The following TIAM1 variants were observed in gnomAD, a reference collection of about 807,000 sequenced individuals.
The protein encoded by TIAM1 is rho guanine nucleotide exchange factor TIAM1.
Under a neutral mutation model 163.5 loss-of-function variants are expected in TIAM1, and 65 were observed. The observed-to-expected ratio is 0.40, with a 90% CI of 0.33 to 0.49. TIAM1 has a LOEUF of 0.49. Among genes scored for constraint, TIAM1 ranks in the 20% least tolerant of loss-of-function variants. TIAM1 has a pLI of 0.77. For synonymous variants in TIAM1, 833 were observed against 810.1 expected (o/e 1.03, Z -0.48); for missense variants, 1,789 against 2,044.7 (o/e 0.87, Z 2.41).
At chr21:31,324,507 G>C (rs1226966186) in intron 2 of TIAM1, among the ~76,000 whole-genome samples, 1 of 152,206 alleles carries the variant, frequency 6.6e-6, no homozygotes, top group African/African-American at 2.4e-5. Flanking sequence ...TATCAGGAAA[G>C]TACTTGTCCC....
upstream of TIAM1, among the ~76,000 whole-genome samples, chr21:31,344,970 C>T (rs1332253703): frequency 6.6e-6 from 1 of 152,188 alleles, no homozygotes; most frequent in African/African-American, 2.4e-5. Context: ...AGGGAACATG[C>T]TAACTTAAAG....
At chr21:31,198,069 T>A (rs766011120) in intron 12 of TIAM1, among the ~76,000 whole-genome samples, 1 of 152,196 alleles carries the variant, frequency 6.6e-6, no homozygotes, top group African/African-American at 2.4e-5. Context: ...TATTACTCTA[T>A]CTTAAAATGA....
intron 1 of TIAM1, among the ~76,000 whole-genome samples, chr21:31,468,543 A>G (rs2045616150): frequency 6.6e-6 from 1 of 151,662 alleles, no homozygotes; most frequent in Non-Finnish European, 1.5e-5. Flanking sequence ...TTGGGAGACC[A>G]AAGCGGGCGG....
intron 7 of TIAM1, 37 bp from the exon 8 acceptor site, chr21:31,223,628 A>C: frequency 6.4e-7 from 1 of 1,559,586 alleles, no homozygotes; most frequent in African/African-American, 1.4e-5. Flanking sequence ...AAAAAGTGAG[A>C]AAATGGGAAA....
chr21:31,252,002 T>A lies in TIAM1; in HGVS notation c.1151A>T (p.Tyr384Phe). The A allele has an allele frequency of 6.2e-7, 1 of 1,613,956 alleles. No homozygotes were observed. The highest frequency in any genetic ancestry group is 1.1e-5 in the South Asian group (1 of 91,076). Residue 384 changes from tyrosine to phenylalanine, a missense_variant, in exon 5 of 28, where the codon TAC becomes TTC. This residue lies in a region of TIAM1 where 555 missense variants were observed against 564.9 expected (regional missense o/e 0.98). Coordinates refer to ENST00000541036, the MANE Select transcript of TIAM1 (RefSeq NM_001353694.2). ...STGDAARQGV[Y>F]ENFRRELEMS... ...CTCCAGCTCCCGCCGGAAGTTCTCG[T>A]ACACCCCCTGACGAGCCGCATCCCC...
At chr21:31,260,363 G>C (rs149005126) in intron 4 of TIAM1, among the ~76,000 whole-genome samples, 4 of 151,012 alleles carry the variant, frequency 2.6e-5, no homozygotes, top group African/African-American at 9.7e-5. Flanking sequence ...TCAGCCTCTC[G>C]AGTAGTTGGG....
intron 11 of TIAM1, among the ~76,000 whole-genome samples, chr21:31,208,566 T>C (rs947225330): frequency 1.3e-5 from 2 of 152,342 alleles, no homozygotes; most frequent in African/African-American, 4.8e-5. Context: ...AGAACCCTCG[T>C]ACATGAAGGA....
intron 1 of TIAM1, among the ~76,000 whole-genome samples, chr21:31,493,583 T>C (rs529959369): frequency 1.3e-5 from 2 of 152,308 alleles, no homozygotes; most frequent in South Asian, 4.1e-4. Flanking sequence ...AGGGTATGTA[T>C]AGGCAAGTCA....
chr21:31,558,701 C>T (rs1001343961), intron 1 of TIAM1, among the ~76,000 whole-genome samples: 2 of 152,138 alleles, frequency 1.3e-5, no homozygotes, highest in African/African-American at 4.8e-5. Flanking sequence ...GATGCCTCCT[C>T]CTGCCTCTCC....
intron 18 of TIAM1, 109 bp from the exon 19 acceptor site, chr21:31,152,870 A>C: frequency 1.4e-6 from 2 of 1,468,230 alleles, no homozygotes; most frequent in Non-Finnish European, 1.8e-6. Context: ...TTAAGAGAAT[A>C]ATCCCACTAC....
chr21:31,555,905 T>C lies in TIAM1; in HGVS notation c.-422+3022A>G, dbSNP rs1232141124. ...TCGGCACACTAGAACTGCAGGAATC[T>C]GGGGGGAAGGAGACAGGCCCAACGC... On this transcript the variant is annotated intron_variant, in intron 1 of 28. Coordinates refer to the TIAM1 transcript ENST00000286827. Among the ~76,000 whole-genome samples, 5 of 151,896 alleles carry C rather than the reference T, an allele frequency of 3.3e-5. 1 individual carries two copies. The highest frequency in any genetic ancestry group is 5.9e-5 in the Non-Finnish European group (4 of 67,974).
chr21:31,256,630 T>TACACACACACACACACAA (rs1569115880), intron 4 of TIAM1, among the ~76,000 whole-genome samples: 1 of 148,938 alleles, frequency 6.7e-6, no homozygotes, highest in African/African-American at 2.5e-5. Context: ...CACACACACG[T>TACACACACACACACACAA]ATATTATCTT....
At chr21:31,160,034 C>G (rs1366676574) in intron 16 of TIAM1, among the ~76,000 whole-genome samples, 3 of 152,164 alleles carry the variant, frequency 2.0e-5, no homozygotes, top group Non-Finnish European at 4.4e-5. Context: ...ACCTCCCTGC[C>G]GATCACTCGG....
intron 4 of TIAM1, among the ~76,000 whole-genome samples, chr21:31,260,196 T>G (rs1213012072): frequency 1.4e-5 from 2 of 147,146 alleles, no homozygotes; most frequent in East Asian, 3.9e-4. Context: ...TAAATAAATA[T>G]TTTTATATAA....
Position 31,502,357 on chromosome 21 carries a change from G to A in TIAM1, c.-421-38322C>T, listed in dbSNP as rs565419707. ...GGTAATCTAGGCTCACGGCAGCCTC[G>A]AACTCCTGGGCTCACGCAATTATCC... On this transcript the variant is annotated intron_variant, in intron 1 of 28. Coordinates refer to the TIAM1 transcript ENST00000286827. Among the ~76,000 whole-genome samples, 36 of 152,106 alleles carry A rather than the reference G, an allele frequency of 2.4e-4. 1 individual carries two copies. In the South Asian group the frequency reaches 4.4e-3, roughly 18 times the overall value.
intron 5 of TIAM1, 89 bp downstream of exon 5, chr21:31,251,653 C>CA: frequency 7.3e-7 from 1 of 1,372,140 alleles, no homozygotes; most frequent in Non-Finnish European, 1.0e-6. Flanking sequence ...ACAACAACAA[C>CA]AACAAACCCA....
At chr21:31,295,491 G>T (rs1376136997) in intron 2 of TIAM1, among the ~76,000 whole-genome samples, 1 of 127,290 alleles carries the variant, frequency 7.9e-6, no homozygotes, top group Non-Finnish European at 1.6e-5. Context: ...AAAAAAAAAG[G>T]TCTTAAAGAT....
intron 1 of TIAM1, among the ~76,000 whole-genome samples, chr21:31,513,819 C>G (rs1413736936): frequency 1.3e-5 from 2 of 152,030 alleles, no homozygotes; most frequent in Non-Finnish European, 2.9e-5. Context: ...ACCAGCCTGG[C>G]CAACATAGCG....
intron 4 of TIAM1, among the ~76,000 whole-genome samples, chr21:31,263,677 C>G (rs912910737): frequency 1.3e-5 from 2 of 152,106 alleles, no homozygotes; most frequent in African/African-American, 4.8e-5. Flanking sequence ...CAAAATACAA[C>G]AGGGCACCCT....
Sources: allele counts gnomAD v4.1 joint callset (sites outside exome capture counted in the v4.1 genomes callset), GRCh38; gene constraint gnomAD v4.1.1; regional missense constraint gnomAD v4.1.1; transcripts MANE v1.5; gene names NCBI Gene and HGNC (gene_info 2026-07-23, HGNC 2026-07-21).